The following PKNOX1 variants were observed in gnomAD, a reference collection of about 807,000 sequenced individuals.
PKNOX1 encodes homeobox protein PKNOX1.
In PKNOX1, 15 loss-of-function variants were observed where a neutral mutation model predicts 51.9. The observed-to-expected ratio is 0.29, with a 90% CI of 0.19 to 0.45. The LOEUF is 0.45. PKNOX1 is among the 20% of genes least tolerant of loss of function. PKNOX1 has a pLI of 1.00. For missense variants in PKNOX1, 462 were observed against 547.5 expected (o/e 0.84, Z 1.56); for synonymous variants, 219 against 211.1 (o/e 1.04, Z -0.32).
chr21:43,024,335 CT>C (rs2146292149), intron 8 of PKNOX1: 1 of 152,358 alleles, frequency 6.6e-6, no homozygotes, highest in East Asian at 1.9e-4. Flanking sequence ...GTCTCCTCTT[CT>C]GTAAAATAAA....
In PKNOX1 at chr21:43,031,536, A is replaced by G. The variant is rs998705361; in HGVS notation, c.*1435A>G. 1.3e-5 allele frequency: 2 copies of G among 152,170 alleles called. No individual in the cohort carries two copies. The highest frequency in any genetic ancestry group is 2.4e-5 in the African/African-American group (1 of 41,432). 9.4% of individuals were successfully genotyped at this position (152,170 alleles called of 1,614,324 possible). ...TTTTCTTTGGTTTTGATTTGTTTTC[A>G]TTGTTTACTTAGGAGTGGTGCTTTT... On this transcript the variant is annotated 3_prime_UTR_variant, in exon 11 of 11. Transcript: ENST00000291547.
chr21:42,975,175 T>C (rs1315833580), intron 1 of PKNOX1, among the ~76,000 whole-genome samples: 1 of 144,038 alleles, frequency 6.9e-6, no homozygotes, highest in African/African-American at 2.5e-5. Context: ...CGCGGAGTCC[T>C]CAGGGCCGGC....
In PKNOX1 at chr21:43,031,629, G is replaced by C. The variant is rs1980274209; in HGVS notation, c.*1528G>C. 6.6e-6 allele frequency: 1 copy of C among 152,620 alleles called. No homozygotes were observed. Among genetic ancestry groups the C allele is most frequent in the Non-Finnish European group, 1.5e-5 (1 of 68,302 alleles). The allele number at this position is 152,620 out of a possible 1,614,324, so 9.5% of individuals were successfully genotyped here. Reference sequence around the variant, plus strand: ...TATCATCTGAAATGGTATGGCTGAAGTTCATTTGTTTACAGGGTCGGGAAT... The same window carrying C: ...TATCATCTGAAATGGTATGGCTGAACTTCATTTGTTTACAGGGTCGGGAAT... On this transcript the variant is annotated 3_prime_UTR_variant, in exon 11 of 11. Coordinates refer to ENST00000291547, the MANE Select transcript of PKNOX1 (RefSeq NM_004571.5).
At chr21:43,001,153 C>T (rs1160715680) in intron 1 of PKNOX1, among the ~76,000 whole-genome samples, 2 of 152,180 alleles carry the variant, frequency 1.3e-5, no homozygotes, top group Admixed American at 6.5e-5. Context: ...CTCTGCAGAA[C>T]AGTTGTCTTG....
chr21:42,993,450 C>T (rs887245003), intron 1 of PKNOX1, among the ~76,000 whole-genome samples: 2 of 152,100 alleles, frequency 1.3e-5, no homozygotes, highest in African/African-American at 4.8e-5. Context: ...TTGACTGTTC[C>T]ACCAGCACCT....
intron 1 of PKNOX1, among the ~76,000 whole-genome samples, chr21:42,975,058 C>CGGGG (rs1430909517): frequency 2.8e-5 from 4 of 142,524 alleles, no homozygotes; most frequent in Non-Finnish European, 4.7e-5. Flanking sequence ...GGGGCGGGGG[C>CGGGG]GCGCGGAGCC....
intron 4 of PKNOX1, 139 bp from the exon 5 acceptor site, chr21:43,012,929 G>C: frequency 1.5e-6 from 1 of 671,502 alleles, no homozygotes; most frequent in Non-Finnish European, 2.6e-6. Flanking sequence ...TCAGTTTAGA[G>C]GATTTCTGAT....
At chr21:43,014,804 C>T (rs905391870) in intron 5 of PKNOX1, among the ~76,000 whole-genome samples, 6 of 152,194 alleles carry the variant, frequency 3.9e-5, no homozygotes, top group African/African-American at 7.2e-5. Context: ...CACATTGTTT[C>T]CTCCCACCCT....
chr21:42,998,595 G>C lies in PKNOX1; in HGVS notation c.-56-5731G>C, dbSNP rs1320762604. Among the ~76,000 whole-genome samples, 4 of 152,182 alleles carry C rather than the reference G, an allele frequency of 2.6e-5. No individual in the cohort carries two copies. In the East Asian group the frequency reaches 7.7e-4, roughly 29 times the overall value. The stretch of plus-strand genomic sequence containing the variant: ...TTAGTTACTTCCTAAATACAGTGGG[G>C]GTACAGGCATTGGGTAAATACAGCC... On this transcript the variant is annotated intron_variant, in intron 1 of 10. Transcript: ENST00000291547.
At position 43,032,507 on chromosome 21, in the gene PKNOX1, A is replaced by G. The variant is rs1203571405; in HGVS notation, c.*2406A>G. ...GTAGGGCGTGCCTCTAGTTCCAGCT[A>G]CTCGGGAGTCTGAGGCAGAGGATGG... On this transcript the variant is annotated 3_prime_UTR_variant, in exon 11 of 11. Coordinates refer to ENST00000291547, the MANE Select transcript of PKNOX1 (RefSeq NM_004571.5). The G allele has an allele frequency of 8.8e-6, 2 of 226,230 alleles. No homozygotes were observed. The highest frequency in any genetic ancestry group is 4.5e-5 in the African/African-American group (2 of 44,418). 14.0% of individuals were successfully genotyped at this position (226,230 alleles called of 1,614,324 possible).
At chr21:43,018,068 AAAG>A in intron 6 of PKNOX1, 62 bp from the exon 7 acceptor site, 3 of 825,872 alleles carry the variant, frequency 3.6e-6, no homozygotes, top group South Asian at 3.3e-5. Context: ...AAAAAAAAAA[AAAG>A]AAGAATGGTT....
chr21:43,009,545 AG>A (rs1979149706), intron 3 of PKNOX1, among the ~76,000 whole-genome samples: 1 of 130,216 alleles, frequency 7.7e-6, no homozygotes, highest in South Asian at 2.6e-4. Flanking sequence ...GGGAGGGCAG[AG>A]GTTGCAGTGA....
chr21:42,992,964 TAGC>T (rs1332276463), intron 1 of PKNOX1, among the ~76,000 whole-genome samples: 2 of 138,034 alleles, frequency 1.4e-5, no homozygotes, highest in East Asian at 2.3e-4. Context: ...GGCTTTCTCA[TAGC>T]AGTGTCAGGG....
At chr21:43,002,115 TCA>T (rs1270445553) in intron 1 of PKNOX1, among the ~76,000 whole-genome samples, 1 of 152,120 alleles carries the variant, frequency 6.6e-6, no homozygotes, top group Non-Finnish European at 1.5e-5. Context: ...ACATCAGCTC[TCA>T]GAGTGCTGAG....
Position 43,018,246 on chromosome 21 carries a change from T to C in PKNOX1, c.720+16T>C. 6.3e-7 allele frequency: 1 copy of C among 1,579,504 alleles called. No individual in the cohort carries two copies. Among genetic ancestry groups the C allele is most frequent in the Non-Finnish European group, 8.7e-7 (1 of 1,148,644 alleles). On this transcript the variant is annotated intron_variant, in intron 7 of 10. Transcript: ENST00000291547. ...GAACTCCCAGGTGCGTGCGCCATTTTATGGAAGGCTTTGGGGGCGAGTGCT... is the reference window on the plus strand; with the variant it reads ...GAACTCCCAGGTGCGTGCGCCATTTCATGGAAGGCTTTGGGGGCGAGTGCT...
At chr21:43,016,211 C>T (rs755865082) in intron 5 of PKNOX1, among the ~76,000 whole-genome samples, 17 of 152,202 alleles carry the variant, frequency 1.1e-4, no homozygotes, top group Non-Finnish European at 2.4e-4. Flanking sequence ...TCTCCCCTGC[C>T]AGCTGCCCAC....
At chr21:43,026,438 TAGC>T (rs1979985265) in intron 9 of PKNOX1, among the ~76,000 whole-genome samples, 1 of 152,170 alleles carries the variant, frequency 6.6e-6, no homozygotes, top group South Asian at 2.1e-4. Flanking sequence ...CCTCTGCTGG[TAGC>T]AGCTTTGAAT....
chr21:42,991,603 CT>C lies in PKNOX1; in HGVS notation c.-56-12722del, dbSNP rs1164948927. On this transcript the variant is annotated intron_variant, in intron 1 of 10. Transcript: ENST00000291547. ...TTTAGCTGGGCATGGTGGCGGGCAC[CT>C]GTAGTCCCAGCTACTCGGGAGGCTG... Among the ~76,000 whole-genome samples the C allele has an allele frequency of 7.2e-5, 11 of 152,172 alleles. No individual in the cohort carries two copies. In the East Asian group the frequency reaches 2.1e-3, roughly 29 times the overall value.
At chr21:43,003,220 G>A (rs935160557) in intron 1 of PKNOX1, among the ~76,000 whole-genome samples, 8 of 152,208 alleles carry the variant, frequency 5.3e-5, no homozygotes, top group Non-Finnish European at 8.8e-5. Context: ...GACTCTAAAT[G>A]TCTGTGACCT....
Sources: gnomAD v4.1 joint callset for allele counts (sites outside exome capture counted in the v4.1 genomes callset) on GRCh38, gnomAD v4.1.1 for gene constraint, MANE v1.5 for transcripts, NCBI Gene and HGNC (gene_info 2026-07-23, HGNC 2026-07-21) for gene names.